Variants in LRRIQ3 observed in about 807,000 individuals in gnomAD.
The protein encoded by LRRIQ3 is leucine-rich repeat and IQ domain-containing protein 3.
LRRIQ3 carries 75 observed loss-of-function variants against 59.3 expected under a neutral mutation model. The observed-to-expected ratio is 1.26, with a 90% CI of 1.05 to 1.53. The LOEUF is 1.53. Ranked by LOEUF, LRRIQ3 falls within the 40% of genes most tolerant of loss-of-function variation. The probability of loss-of-function intolerance (pLI) is 0.00; values close to 1 mark genes in which losing one functional copy is unlikely to be tolerated. For missense variants in LRRIQ3, 831 were observed against 710.0 expected, an observed-to-expected ratio of 1.17 and a Z score of -1.94; for synonymous variants, 250 against 231.3, an observed-to-expected ratio of 1.08 and a Z score of -0.73.
chr1:74,183,123 G>A (rs1238381474), intron 2 of LRRIQ3: 1 of 321,676 alleles, frequency 3.1e-6, no homozygotes, highest in Non-Finnish European at 5.6e-6. Flanking sequence ...CTTTGTAATA[G>A]GTTGACTCTT....
intron 4 of LRRIQ3, among the ~76,000 whole-genome samples, chr1:74,148,493 A>C (rs781238824): frequency 6.6e-6 from 1 of 152,120 alleles, no homozygotes; most frequent in Admixed American, 6.6e-5. Flanking sequence ...CATGGGTGGC[A>C]GTAGTTATGG....
chr1:74,054,447 G>A (rs954972772), intron 6 of LRRIQ3, among the ~76,000 whole-genome samples: 4 of 151,970 alleles, frequency 2.6e-5, no homozygotes, highest in Non-Finnish European at 5.9e-5. Context: ...AAATGATACC[G>A]CGATGTTGGA....
intron 4 of LRRIQ3, among the ~76,000 whole-genome samples, chr1:74,143,578 C>G (rs1473854957): frequency 6.6e-6 from 1 of 151,654 alleles, no homozygotes; most frequent in Non-Finnish European, 1.5e-5. Context: ...CTTTAAGAAA[C>G]TTGTGCTACT....
chr1:74,030,309 C>G (rs1410413170), intron 7 of LRRIQ3, among the ~76,000 whole-genome samples: 1 of 152,068 alleles, frequency 6.6e-6, no homozygotes. Flanking sequence ...CCAAGTCAAT[C>G]CTAAGCCAAA....
At position 74,131,740 on chromosome 1, in the gene LRRIQ3, G is replaced by A. The variant is rs184582034; in HGVS notation, c.708-22187C>T. On this transcript the variant is annotated intron_variant, in intron 4 of 7. Transcript: ENST00000354431. ...GAGATGTATCTCAAAATAATAAAGA[G>A]CTATTTATGACAAACCCACAGCCAA... is the stretch of plus-strand genomic sequence containing the variant. Among the ~76,000 whole-genome samples, 570 of 152,198 alleles carry A rather than the reference G, an allele frequency of 3.7e-3. 6 individuals are homozygous for A. The highest frequency in any genetic ancestry group is 0.013 in the African/African-American group (547 of 41,538).
chr1:74,138,303 G>T, intron 4 of LRRIQ3: 1 of 165,124 alleles, frequency 6.1e-6, no homozygotes, highest in Non-Finnish European at 1.3e-5. Context: ...AGACGATCAT[G>T]TTTATAGCCA....
At chr1:74,100,497 G>A (rs1646514362) in intron 5 of LRRIQ3, among the ~76,000 whole-genome samples, 2 of 152,114 alleles carry the variant, frequency 1.3e-5, no homozygotes, top group Non-Finnish European at 2.9e-5. Flanking sequence ...GTAATTTATA[G>A]ATTCAATGCC....
At chr1:74,098,945 C>G (rs1168275056) in intron 5 of LRRIQ3, among the ~76,000 whole-genome samples, 9 of 151,916 alleles carry the variant, frequency 5.9e-5, no homozygotes, top group Admixed American at 2.6e-4. Context: ...GCCCACAAGA[C>G]AAAGTAGGAA....
At chr1:74,095,334 C>A (rs150216894) in intron 5 of LRRIQ3, among the ~76,000 whole-genome samples, 1 of 152,074 alleles carries the variant, frequency 6.6e-6, no homozygotes, top group Non-Finnish European at 1.5e-5. Flanking sequence ...TTGTTTACAT[C>A]GCTATTAGGG....
intron 1 of LRRIQ3, among the ~76,000 whole-genome samples, chr1:74,185,991 G>A (rs139827802): frequency 2.0e-5 from 3 of 151,278 alleles, no homozygotes; most frequent in East Asian, 1.9e-4. Flanking sequence ...AATGCTAAAG[G>A]TGGCTTTATA....
intron 7 of LRRIQ3, among the ~76,000 whole-genome samples, chr1:74,033,456 A>AAGGAAGAAAGGAGTTG (rs1355047160): frequency 1.3e-5 from 2 of 151,982 alleles, no homozygotes; most frequent in Non-Finnish European, 2.9e-5. Flanking sequence ...GGTGGAAGTA[A>AAGGAAGAAAGGAGTTG]AGGAAGAAAG....
intron 5 of LRRIQ3, among the ~76,000 whole-genome samples, chr1:74,081,523 A>G (rs1175293919): frequency 2.0e-5 from 3 of 151,554 alleles, no homozygotes; most frequent in Non-Finnish European, 4.4e-5. Context: ...GAGATTTTAG[A>G]GCAGGTTATA....
At chr1:74,129,214 C>G (rs1307398662) in intron 4 of LRRIQ3, among the ~76,000 whole-genome samples, 6 of 151,940 alleles carry the variant, frequency 3.9e-5, no homozygotes, top group Admixed American at 3.9e-4. Context: ...CCCCTTGGTC[C>G]CAGGTAGGTC....
intron 6 of LRRIQ3, among the ~76,000 whole-genome samples, chr1:74,044,838 A>T (rs1654153944): frequency 6.6e-6 from 1 of 152,198 alleles, no homozygotes; most frequent in African/African-American, 2.4e-5. Flanking sequence ...AAACACCTCT[A>T]TGCAAATAAA....
At chr1:74,160,375 A>T (rs1461482916) in intron 3 of LRRIQ3, among the ~76,000 whole-genome samples, 1 of 152,132 alleles carries the variant, frequency 6.6e-6, no homozygotes, top group Non-Finnish European at 1.5e-5. Context: ...CAAAAAATTC[A>T]TCAGAAATAT....
intron 1 of LRRIQ3, among the ~76,000 whole-genome samples, chr1:74,189,271 C>G (rs754618952): frequency 3.3e-5 from 5 of 152,108 alleles, no homozygotes; most frequent in African/African-American, 4.8e-5. Context: ...CAGAACCTGT[C>G]CAAACTTCCT....
intron 5 of LRRIQ3, among the ~76,000 whole-genome samples, chr1:74,096,831 T>C (rs1646455446): frequency 1.3e-5 from 2 of 152,158 alleles, no homozygotes; most frequent in Admixed American, 6.5e-5. Flanking sequence ...CCTATTTGCC[T>C]GGGTATCAGC....
At chr1:74,073,076 A>G (rs1449687318) in intron 6 of LRRIQ3, among the ~76,000 whole-genome samples, 1 of 152,142 alleles carries the variant, frequency 6.6e-6, no homozygotes, top group Non-Finnish European at 1.5e-5. Flanking sequence ...AATATTATCA[A>G]TGTTTTTACT....
chr1:74,158,222 T>C (rs1020208076), intron 3 of LRRIQ3, among the ~76,000 whole-genome samples: 2 of 152,096 alleles, frequency 1.3e-5, no homozygotes, highest in African/African-American at 4.8e-5. Flanking sequence ...TAATTCCTGT[T>C]CCCCCACTTT....
Sources: allele counts gnomAD v4.1 joint callset (sites outside exome capture counted in the v4.1 genomes callset), GRCh38; gene constraint gnomAD v4.1.1; transcripts MANE v1.5; gene names NCBI Gene and HGNC (gene_info 2026-07-23, HGNC 2026-07-21).